The following EYS variants were observed in gnomAD, a reference collection of about 807,000 sequenced individuals.
The protein encoded by EYS is protein eyes shut homolog.
In EYS, 250 loss-of-function variants were observed where a neutral mutation model predicts 282.1. That is an observed-to-expected ratio of 0.89 (90% confidence interval 0.80 to 0.98). The LOEUF is 0.98. EYS is among the 50% of genes least tolerant of loss of function. The pLI is 0.00. For missense variants in EYS, 4,016 were observed against 3,709.0 expected, an observed-to-expected ratio of 1.08 and a Z score of -2.15; for synonymous variants, 1,355 against 1,282.9, an observed-to-expected ratio of 1.06 and a Z score of -1.20.
chr6:65,404,136 A>T (rs1490038293), intron 6 of EYS, among the ~76,000 whole-genome samples: 1 of 151,954 alleles, frequency 6.6e-6, no homozygotes, highest in East Asian at 1.9e-4. Flanking sequence ...ATTCTAGAGG[A>T]TGCATTCATT....
chr6:65,666,957 TAA>T (rs200796849), intron 1 of EYS, among the ~76,000 whole-genome samples: 4 of 141,244 alleles, frequency 2.8e-5, no homozygotes, highest in African/African-American at 2.6e-5. Context: ...CCACCCAATG[TAA>T]AAAAAAAAAA....
chr6:63,905,576 C>T (rs67417350), intron 35 of EYS, among the ~76,000 whole-genome samples: 7,924 of 152,090 alleles, frequency 0.052, 227 homozygotes, highest in African/African-American at 0.072. Context: ...GTGATCCACC[C>T]GCCTCTGCCT....
At chr6:65,631,178 A>C (rs1348337248) in intron 2 of EYS, among the ~76,000 whole-genome samples, 1 of 152,208 alleles carries the variant, frequency 6.6e-6, no homozygotes, top group East Asian at 1.9e-4. Flanking sequence ...CAATGAAGAC[A>C]GATGTGACCA....
chr6:65,517,132 G>T (rs1001825730), intron 2 of EYS, among the ~76,000 whole-genome samples: 1 of 151,740 alleles, frequency 6.6e-6, no homozygotes, highest in African/African-American at 2.4e-5. Flanking sequence ...CTTGCTCTTG[G>T]AACATGGAAA....
At chr6:64,430,732 A>C (rs1461103625) in intron 28 of EYS, among the ~76,000 whole-genome samples, 1 of 152,116 alleles carries the variant, frequency 6.6e-6, no homozygotes, top group Admixed American at 6.6e-5. Context: ...CTTGTCATGA[A>C]GTGTCTCCAT....
chr6:63,933,109 A>G (rs962729488), intron 35 of EYS, among the ~76,000 whole-genome samples: 1 of 152,240 alleles, frequency 6.6e-6, no homozygotes, highest in Non-Finnish European at 1.5e-5. Context: ...GGAAAGGGGC[A>G]TGGAGCTTCC....
chr6:65,261,093 T>A (rs1356864322), intron 12 of EYS, among the ~76,000 whole-genome samples: 1 of 152,040 alleles, frequency 6.6e-6, no homozygotes. Context: ...AATAAGAACA[T>A]TTCAGAATGC....
chr6:63,795,140 CA>C (rs1303429539), intron 37 of EYS, among the ~76,000 whole-genome samples: 2 of 152,146 alleles, frequency 1.3e-5, no homozygotes, highest in Non-Finnish European at 2.9e-5. Context: ...CACCATTAAG[CA>C]GTGAGTTTCA....
At chr6:64,927,828 A>C (rs1768568750) in intron 15 of EYS, among the ~76,000 whole-genome samples, 1 of 152,146 alleles carries the variant, frequency 6.6e-6, no homozygotes, top group African/African-American at 2.4e-5. Flanking sequence ...AAACATAGTA[A>C]ATAGATAATT....
intron 12 of EYS, among the ~76,000 whole-genome samples, chr6:65,122,550 T>C (rs1775590024): frequency 6.6e-6 from 1 of 152,042 alleles, no homozygotes; most frequent in African/African-American, 2.4e-5. Context: ...GTACTGTTTA[T>C]CATAGGAAAA....
chr6:65,603,658 G>C (rs879193480), intron 2 of EYS, among the ~76,000 whole-genome samples: 2 of 151,814 alleles, frequency 1.3e-5, no homozygotes, highest in Non-Finnish European at 1.5e-5. Flanking sequence ...TTAAACTTGA[G>C]CTTTATTATC....
intron 12 of EYS, among the ~76,000 whole-genome samples, chr6:65,134,376 A>G (rs1235181223): frequency 1.3e-5 from 2 of 152,148 alleles, no homozygotes; most frequent in Admixed American, 1.3e-4. Flanking sequence ...TTGGATAAAG[A>G]AAATGTGGTA....
At chr6:63,920,691 A>C (rs1359596089) in intron 35 of EYS, among the ~76,000 whole-genome samples, 1 of 152,134 alleles carries the variant, frequency 6.6e-6, no homozygotes, top group Non-Finnish European at 1.5e-5. Context: ...AGTACTTTCC[A>C]AAAAAACAAA....
At chr6:64,396,162 T>C (rs182492886) in intron 28 of EYS, among the ~76,000 whole-genome samples, 33 of 152,168 alleles carry the variant, frequency 2.2e-4, no homozygotes, top group Middle Eastern at 3.4e-3. Flanking sequence ...TTGAATTGAA[T>C]AGTTTATTTA....
intron 22 of EYS, among the ~76,000 whole-genome samples, chr6:64,664,840 G>A (rs913573178): frequency 3.9e-5 from 6 of 152,144 alleles, no homozygotes; most frequent in Non-Finnish European, 8.8e-5. Context: ...CCAGAAATAT[G>A]AGAAATAAAT....
intron 10 of EYS, among the ~76,000 whole-genome samples, chr6:65,339,897 G>A (rs1770134212): frequency 1.3e-5 from 2 of 151,066 alleles, no homozygotes; most frequent in Admixed American, 1.3e-4. Context: ...TTTCAAAAAG[G>A]CAGATAATTT....
At chr6:64,303,827 C>T (rs1215580801) in intron 30 of EYS, among the ~76,000 whole-genome samples, 1 of 100,110 alleles carries the variant, frequency 1.0e-5, no homozygotes, top group Non-Finnish European at 1.8e-5. Context: ...GGCGACAGAG[C>T]GAAACTCCGT....
intron 36 of EYS, among the ~76,000 whole-genome samples, chr6:63,824,429 C>T (rs1360117193): frequency 6.6e-6 from 1 of 152,020 alleles, no homozygotes; most frequent in East Asian, 1.9e-4. Flanking sequence ...TGATCATTAC[C>T]ACATATTACA....
intron 26 of EYS, among the ~76,000 whole-genome samples, chr6:64,460,270 T>G (rs1453530539): frequency 1.3e-5 from 2 of 152,218 alleles, no homozygotes; most frequent in Non-Finnish European, 2.9e-5. Context: ...CCATTGGATT[T>G]ATGCTATAAT....
Sources: gnomAD v4.1 joint callset for allele counts (sites outside exome capture counted in the v4.1 genomes callset) on GRCh38, gnomAD v4.1.1 for gene constraint, MANE v1.5 for transcripts, NCBI Gene and HGNC (gene_info 2026-07-23, HGNC 2026-07-21) for gene names.